KIF6: variants seen among roughly 807,000 people sequenced by gnomAD.
KIF6 encodes the protein kinesin family member 6.
In KIF6, 106 loss-of-function variants were observed where a neutral mutation model predicts 112.7. The observed-to-expected ratio is 0.94, with a 90% CI of 0.80 to 1.11. The LOEUF (loss-of-function observed/expected upper bound fraction) is 1.11. Among genes scored for constraint, KIF6 ranks in the 50% least tolerant of loss-of-function variants. The pLI is 0.00. For missense variants in KIF6, 929 were observed against 964.0 expected (o/e 0.96, Z 0.48); for synonymous variants, 339 against 339.9 (o/e 1.00, Z 0.03).
At chr6:39,595,912 T>C in intron 7 of KIF6, 142 bp downstream of exon 7, 1 of 623,984 alleles carries the variant, frequency 1.6e-6, no homozygotes, top group Admixed American at 2.9e-5. Flanking sequence ...AGTTGTACAC[T>C]TAAAAATGAT....
chr6:39,424,912 T>A lies in KIF6; in HGVS notation c.1755-4909A>T, dbSNP rs139910253. Among the ~76,000 whole-genome samples, 28 of 152,306 alleles carry A rather than the reference T, an allele frequency of 1.8e-4. No individual in the cohort carries two copies. In the East Asian group the frequency reaches 4.6e-3, roughly 25 times the overall value. ...TGGTTGCTGAGTTTCTCATTTTCAATGGAAATGAAAAGGATGGAGGAATTG... is the reference window on the plus strand; with the variant it reads ...TGGTTGCTGAGTTTCTCATTTTCAAAGGAAATGAAAAGGATGGAGGAATTG... On this transcript the variant is annotated intron_variant, in intron 14 of 22. Coordinates refer to ENST00000287152, the MANE Select transcript of KIF6 (RefSeq NM_145027.6).
intron 13 of KIF6, among the ~76,000 whole-genome samples, chr6:39,437,082 C>T (rs1177700267): frequency 2.0e-5 from 3 of 151,620 alleles, no homozygotes; most frequent in Non-Finnish European, 4.4e-5. Context: ...GATTTTTCAC[C>T]TCATTTGTTA....
chr6:39,357,790 A>G (rs1364111021), intron 18 of KIF6, among the ~76,000 whole-genome samples: 4 of 152,174 alleles, frequency 2.6e-5, no homozygotes, highest in African/African-American at 9.7e-5. Context: ...TATAAAAGTT[A>G]GTGTACACAA....
chr6:39,390,396 A>G (rs1052154475), intron 15 of KIF6, among the ~76,000 whole-genome samples: 7 of 152,200 alleles, frequency 4.6e-5, no homozygotes, highest in African/African-American at 1.7e-4. Flanking sequence ...ACATTGGGAA[A>G]GGCATAATTA....
Position 39,336,416 on chromosome 6 carries a change from T to A in KIF6, c.*116A>T. ...TCCCCTCCATGGGAATCAAAGTCAC[T>A]AGTTGCTCCCAGCAGCCCATAGTTC... is the stretch of plus-strand genomic sequence containing the variant. On this transcript the variant is annotated 3_prime_UTR_variant, in exon 23 of 23. Coordinates refer to ENST00000287152, the MANE Select transcript of KIF6 (RefSeq NM_145027.6). 1 of 962,404 alleles carries A rather than the reference T, an allele frequency of 1.0e-6. No individual in the cohort carries two copies. 59.6% of individuals were successfully genotyped at this position (962,404 alleles called of 1,614,324 possible). A position where few individuals can be genotyped will look rare whatever the true frequency, so the allele number is the denominator to read the frequency against.
intron 3 of KIF6, among the ~76,000 whole-genome samples, chr6:39,692,134 C>T (rs549873606): frequency 2.3e-4 from 35 of 152,222 alleles, no homozygotes; most frequent in African/African-American, 8.4e-4. Flanking sequence ...GGCAACAGAG[C>T]GAGACTCCGT....
Position 39,519,346 on chromosome 6 carries a change from T to C in KIF6, c.1645+20657A>G, listed in dbSNP as rs1308503163. Among the ~76,000 whole-genome samples the C allele has an allele frequency of 2.0e-5, 3 of 152,208 alleles. No individual in the cohort carries two copies. The South Asian group carries it at 6.2e-4, about 32-fold the overall frequency. Reference sequence around the variant, plus strand: ...CATATCCACAAGACATAGTTTATCATGTCATGGTTTTAGCCAGTACTAAGC... The same window carrying C: ...CATATCCACAAGACATAGTTTATCACGTCATGGTTTTAGCCAGTACTAAGC... On this transcript the variant is annotated intron_variant, in intron 13 of 22. Transcript: ENST00000287152.
At chr6:39,573,882 T>C (rs1780778793) in intron 10 of KIF6, among the ~76,000 whole-genome samples, 1 of 152,262 alleles carries the variant, frequency 6.6e-6, no homozygotes, top group African/African-American at 2.4e-5. Flanking sequence ...GTTTTGCTCA[T>C]ATTTGTGCCC....
chr6:39,607,279 G>A (rs1464034330), intron 6 of KIF6, among the ~76,000 whole-genome samples: 2 of 152,060 alleles, frequency 1.3e-5, no homozygotes. Context: ...TTTAATCGAT[G>A]TTTTAGAACA....
chr6:39,583,065 C>T, intron 9 of KIF6: 1 of 229,980 alleles, frequency 4.3e-6, no homozygotes, highest in South Asian at 6.3e-5. Flanking sequence ...CTATATCAAA[C>T]ACATAATAAT....
intron 13 of KIF6, among the ~76,000 whole-genome samples, chr6:39,506,460 C>T (rs140101420): frequency 1.3e-3 from 191 of 152,158 alleles, no homozygotes; most frequent in African/African-American, 4.5e-3. Flanking sequence ...ATCACCATGG[C>T]ACACTTATGT....
In KIF6 at chr6:39,337,129, CTCCT is replaced by C. The variant is rs200086134; in HGVS notation, c.2429-585_2429-582del. Among the ~76,000 whole-genome samples the C allele has an allele frequency of 6.9e-4, 64 of 93,422 alleles. 1 individual carries two copies. Among genetic ancestry groups the C allele is most frequent in the East Asian group, 3.6e-3 (11 of 3,068 alleles). 61.3% of individuals were successfully genotyped at this position (93,422 alleles called of 152,430 possible). On this transcript the variant is annotated intron_variant, in intron 22 of 22. Transcript: ENST00000287152. ...TTTCTTCTCTTTCTTTCTTTCTTTC[CTCCT>C]TCCTTCCTTCCTTTCTCTTTCTTTT...
chr6:39,670,215 T>G (rs948027958), intron 3 of KIF6, among the ~76,000 whole-genome samples: 2 of 152,182 alleles, frequency 1.3e-5, no homozygotes, highest in African/African-American at 4.8e-5. Flanking sequence ...AGTAACAATT[T>G]GTTAATATGA....
intron 3 of KIF6, 85 bp from the exon 4 acceptor site, chr6:39,639,842 A>G (rs917755911): frequency 3.5e-6 from 4 of 1,133,072 alleles, no homozygotes; most frequent in Non-Finnish European, 5.0e-6. Flanking sequence ...TAACAATCTT[A>G]TTAAACACTA....
At chr6:39,450,851 T>C (rs989468889) in intron 13 of KIF6, among the ~76,000 whole-genome samples, 5 of 152,294 alleles carry the variant, frequency 3.3e-5, no homozygotes, top group African/African-American at 1.2e-4. Context: ...TCACAATCTC[T>C]CTACTTTCCT....
intron 13 of KIF6, among the ~76,000 whole-genome samples, chr6:39,536,183 A>G (rs1296132519): frequency 6.6e-6 from 1 of 151,678 alleles, no homozygotes; most frequent in Non-Finnish European, 1.5e-5. Flanking sequence ...CACATTCAAA[A>G]GCTAGCAGAA....
intron 10 of KIF6, among the ~76,000 whole-genome samples, chr6:39,564,666 T>C (rs553114704): frequency 1.3e-5 from 2 of 152,326 alleles, no homozygotes; most frequent in Admixed American, 1.3e-4. Context: ...TCATGAGGTA[T>C]CTTACATTTT....
intron 16 of KIF6, among the ~76,000 whole-genome samples, chr6:39,383,293 T>G (rs1407422402): frequency 6.6e-6 from 1 of 152,248 alleles, no homozygotes; most frequent in African/African-American, 2.4e-5. Flanking sequence ...TTTTAACAGA[T>G]TGAAGTCTTA....
intron 5 of KIF6, among the ~76,000 whole-genome samples, chr6:39,631,212 C>CT (rs945248907): frequency 7.8e-4 from 109 of 140,456 alleles, no homozygotes; most frequent in East Asian, 8.3e-4. Context: ...GTTTCCTCTG[C>CT]TTTTTTTTTT....
Sources: gnomAD v4.1 joint callset for allele counts (sites outside exome capture counted in the v4.1 genomes callset) on GRCh38, gnomAD v4.1.1 for gene constraint, MANE v1.5 for transcripts, NCBI Gene and HGNC (gene_info 2026-07-23, HGNC 2026-07-21) for gene names.